MSH3: variants seen among roughly 807,000 people sequenced by gnomAD.
MSH3 encodes the protein mutS homolog 3.
MSH3 carries 106 observed loss-of-function variants against 123.3 expected under a neutral mutation model. That is an observed-to-expected ratio of 0.86 (90% CI 0.73 to 1.01). The LOEUF is 1.01. Among genes scored for constraint, MSH3 ranks in the 50% least tolerant of loss-of-function variants. The probability of loss-of-function intolerance (pLI) is 0.00; values close to 1 mark genes in which losing one functional copy is unlikely to be tolerated. For missense variants in MSH3, 1,459 were observed against 1,347.6 expected (o/e 1.08, Z -1.29); for synonymous variants, 515 against 481.4 (o/e 1.07, Z -0.91).
At position 80,822,400 on chromosome 5, in the gene MSH3, C is replaced by G. The variant is rs182427396; in HGVS notation, c.2813+8659C>G. ...GAATTAAATAAAGTACATGAAAATG[C>G]CAGACACATTGTAGGTACCTAGTAA... On this transcript the variant is annotated intron_variant, in intron 20 of 23. Coordinates refer to ENST00000265081, the MANE Select transcript of MSH3 (RefSeq NM_002439.5). 1.1e-4 allele frequency among the ~76,000 whole-genome samples: 17 copies of G among 152,262 alleles called. No individual in the cohort carries two copies. The East Asian group carries it at 3.3e-3, about 29-fold the overall frequency.
intron 2 of MSH3, among the ~76,000 whole-genome samples, chr5:80,663,231 G>A (rs1353466214): frequency 6.6e-6 from 1 of 152,200 alleles, no homozygotes; most frequent in African/African-American, 2.4e-5. Flanking sequence ...TGGAAAATTT[G>A]GAGTAACTGG....
chr5:80,703,570 T>C (rs1190753280), intron 8 of MSH3, among the ~76,000 whole-genome samples: 1 of 152,098 alleles, frequency 6.6e-6, no homozygotes, highest in East Asian at 1.9e-4. Flanking sequence ...TTCCTGGGGC[T>C]GCAGAGCAAA....
rs1237858951 is a variant in MSH3 at position 80,863,389 on chromosome 5, G to C, written c.3001-1424G>C. Among the ~76,000 whole-genome samples the C allele has an allele frequency of 2.0e-5, 3 of 152,108 alleles. No homozygotes were observed. In the East Asian group the frequency reaches 5.8e-4, roughly 29 times the overall value. On this transcript the variant is annotated intron_variant, in intron 21 of 23. Transcript: ENST00000265081. ...ATACATTTAAGAAATACATTGGTTT[G>C]GCCGGGTGCAGTGGCTCACACCTGT...
At chr5:80,673,458 A>C (rs1749767420) in intron 6 of MSH3, among the ~76,000 whole-genome samples, 1 of 152,126 alleles carries the variant, frequency 6.6e-6, no homozygotes. Context: ...CAGCCTAGGA[A>C]GTAGAGGCTG....
At chr5:80,875,441 T>C (rs188396681) in intron 23 of MSH3, among the ~76,000 whole-genome samples, 16 of 152,210 alleles carry the variant, frequency 1.1e-4, no homozygotes, top group African/African-American at 3.1e-4. Flanking sequence ...CAGGTACAAA[T>C]AAGCACACAC....
intron 8 of MSH3, among the ~76,000 whole-genome samples, chr5:80,708,894 C>T (rs1181548732): frequency 6.6e-6 from 1 of 151,868 alleles, no homozygotes; most frequent in African/African-American, 2.4e-5. Flanking sequence ...CCTGCCTCAC[C>T]GTCTCGAATA....
At chr5:80,684,953 A>T (rs1394924549) in intron 8 of MSH3, among the ~76,000 whole-genome samples, 1 of 151,924 alleles carries the variant, frequency 6.6e-6, no homozygotes, top group Non-Finnish European at 1.5e-5. Context: ...TGTTAATATG[A>T]TGTATCATAG....
At chr5:80,806,657 A>G (rs1013476576) in intron 19 of MSH3, among the ~76,000 whole-genome samples, 2 of 152,180 alleles carry the variant, frequency 1.3e-5, no homozygotes, top group Non-Finnish European at 2.9e-5. Flanking sequence ...CTGTAGGGAA[A>G]GTTCTCCCCT....
At chr5:80,779,027 T>C (rs1478246623) in intron 17 of MSH3, among the ~76,000 whole-genome samples, 191 bp downstream of exon 17, 1 of 151,648 alleles carries the variant, frequency 6.6e-6, no homozygotes, top group East Asian at 1.9e-4. Flanking sequence ...AGTCTTGCTT[T>C]GTCACCGAGG....
chr5:80,787,216 A>G (rs1385063838), intron 17 of MSH3, among the ~76,000 whole-genome samples: 1 of 152,230 alleles, frequency 6.6e-6, no homozygotes, highest in Non-Finnish European at 1.5e-5. Context: ...GATCCACATG[A>G]ATATTTCATG....
chr5:80,814,039 C>A (rs1278809637), intron 20 of MSH3, among the ~76,000 whole-genome samples: 1 of 151,192 alleles, frequency 6.6e-6, no homozygotes, highest in South Asian at 2.1e-4. Flanking sequence ...GTGGGAGGAT[C>A]ACCTGAGCCT....
In MSH3 at chr5:80,738,650, A is replaced by G. The variant is rs538495011; in HGVS notation, c.1569-2814A>G. ...CACCGTGAAAAATTATGTCTTACAC[A>G]TCTGTTGTTGACAGAAGATAAAGGC... On this transcript the variant is annotated intron_variant, in intron 10 of 23. Coordinates refer to ENST00000265081, the MANE Select transcript of MSH3 (RefSeq NM_002439.5). Among the ~76,000 whole-genome samples, 6 of 152,146 alleles carry G rather than the reference A, an allele frequency of 3.9e-5. No homozygotes were observed. The East Asian group carries it at 5.8e-4, about 15-fold the overall frequency.
At chr5:80,723,816 G>C (rs1580586332) in intron 8 of MSH3, among the ~76,000 whole-genome samples, 1 of 151,948 alleles carries the variant, frequency 6.6e-6, no homozygotes, top group African/African-American at 2.4e-5. Flanking sequence ...AGGCTGGAGT[G>C]CAGTGGTGTG....
At chr5:80,705,616 G>T (rs2112841068) in intron 8 of MSH3, among the ~76,000 whole-genome samples, 1 of 152,318 alleles carries the variant, frequency 6.6e-6, no homozygotes, top group South Asian at 2.1e-4. Context: ...GAGGGCTTAA[G>T]CAACAGAAAT....
At chr5:80,760,602 T>A (rs1337956483) in intron 12 of MSH3, among the ~76,000 whole-genome samples, 2 of 146,960 alleles carry the variant, frequency 1.4e-5, no homozygotes, top group Non-Finnish European at 3.0e-5. Context: ...GGTCATTGTT[T>A]AACTATTATA....
intron 10 of MSH3, among the ~76,000 whole-genome samples, chr5:80,733,864 A>G (rs1322980832): frequency 2.0e-5 from 3 of 152,184 alleles, no homozygotes; most frequent in Non-Finnish European, 4.4e-5. Flanking sequence ...TACATTGCCA[A>G]TAGGACTATA....
chr5:80,715,572 C>T (rs1236607719), intron 8 of MSH3, among the ~76,000 whole-genome samples: 1 of 151,560 alleles, frequency 6.6e-6, no homozygotes, highest in East Asian at 1.9e-4. Flanking sequence ...TCTTGCACTG[C>T]TATAAAGAAC....
Position 80,707,577 on chromosome 5 carries a change from C to A in MSH3, c.1341-17876C>A, listed in dbSNP as rs941557814. Among the ~76,000 whole-genome samples the A allele has an allele frequency of 2.7e-4, 40 of 150,500 alleles. No individual in the cohort carries two copies. In the East Asian group the frequency reaches 5.6e-3, roughly 21 times the overall value. On this transcript the variant is annotated intron_variant, in intron 8 of 23. Coordinates refer to ENST00000265081, the MANE Select transcript of MSH3 (RefSeq NM_002439.5). Reference sequence around the variant, plus strand: ...GGCTCTAAAAAAAAAAACAAAAAAACCCCAAAAAGCCAGATGTGGTGGCAC... The same window carrying A: ...GGCTCTAAAAAAAAAAACAAAAAAAACCCAAAAAGCCAGATGTGGTGGCAC...
chr5:80,844,800 A>G (rs368192589), intron 20 of MSH3, among the ~76,000 whole-genome samples: 2 of 151,824 alleles, frequency 1.3e-5, no homozygotes, highest in East Asian at 3.9e-4. Context: ...GTGTTTTTGC[A>G]CGTGAGATGG....
Sources: gnomAD v4.1 joint callset for allele counts (sites outside exome capture counted in the v4.1 genomes callset) on GRCh38, gnomAD v4.1.1 for gene constraint, MANE v1.5 for transcripts, NCBI Gene and HGNC (gene_info 2026-07-23, HGNC 2026-07-21) for gene names.